The following CLMN variants were observed in gnomAD, a reference collection of about 807,000 sequenced individuals.
CLMN encodes the protein calmin.
CLMN carries 57 observed loss-of-function variants against 92.7 expected under a neutral mutation model. That is an observed-to-expected ratio of 0.61 (90% CI 0.50 to 0.77). The LOEUF is 0.77. Ranked by LOEUF, CLMN falls within the 30% of genes least tolerant of loss-of-function variation. CLMN has a pLI of 0.00. For synonymous variants in CLMN, 466 were observed against 470.6 expected (o/e 0.99, Z 0.13); for missense variants, 1,158 against 1,237.5 (o/e 0.94, Z 0.96).
intron 1 of CLMN, among the ~76,000 whole-genome samples, chr14:95,252,026 T>C (rs970127914): frequency 3.9e-5 from 6 of 152,198 alleles, no homozygotes; most frequent in African/African-American, 1.4e-4. Context: ...GACCACTTTA[T>C]GGCTCTGCGC....
intron 1 of CLMN, among the ~76,000 whole-genome samples, chr14:95,231,134 G>A (rs911077851): frequency 3.3e-5 from 5 of 152,006 alleles, no homozygotes; most frequent in Non-Finnish European, 7.4e-5. Context: ...GGTGAGAAGC[G>A]AGCATCACGG....
chr14:95,245,421 T>C (rs980787680), intron 1 of CLMN, among the ~76,000 whole-genome samples: 1 of 149,300 alleles, frequency 6.7e-6, no homozygotes, highest in Non-Finnish European at 1.5e-5. Context: ...AATCTTTGTA[T>C]CTTGCCCCCT....
At position 95,196,598 on chromosome 14, in the gene CLMN, G is replaced by GTTTCCTTT; in HGVS notation, c.2600_2607dup (p.His870LysfsTer8). ...AGTGAACTTTCTACGTGGTCCACAT[G>GTTTCCTTT]TTTCCTTTTTTCCTTTTTTTTACTA... On this transcript the variant is annotated frameshift_variant, in exon 10 of 13. Coordinates refer to ENST00000298912, the MANE Select transcript of CLMN (RefSeq NM_024734.4). LOFTEE classifies it high-confidence loss of function. The GTTTCCTTT allele has an allele frequency of 1.2e-6, 2 of 1,614,140 alleles. No homozygotes were observed. Among genetic ancestry groups the GTTTCCTTT allele is most frequent in the Non-Finnish European group, 1.7e-6 (2 of 1,180,002 alleles).
At chr14:95,291,275 G>A (rs1300334635) in intron 1 of CLMN, among the ~76,000 whole-genome samples, 1 of 152,200 alleles carries the variant, frequency 6.6e-6, no homozygotes, top group Non-Finnish European at 1.5e-5. Context: ...ACCTGTTGCA[G>A]GCGCCTGTGA....
chr14:95,234,539 C>T (rs775793522), intron 1 of CLMN, among the ~76,000 whole-genome samples: 44 of 152,198 alleles, frequency 2.9e-4, no homozygotes, highest in Non-Finnish European at 5.0e-4. Context: ...GTTTGTGGGG[C>T]CCGGTGTGGG....
chr14:95,277,184 T>C (rs1036008614), intron 1 of CLMN, among the ~76,000 whole-genome samples: 1 of 152,228 alleles, frequency 6.6e-6, no homozygotes, highest in Non-Finnish European at 1.5e-5. Flanking sequence ...AGGCTAGTCT[T>C]AGGCTGTAGC....
chr14:95,196,813 T>G, intron 9 of CLMN, 119 bp from the exon 10 acceptor site: 1 of 894,074 alleles, frequency 1.1e-6, no homozygotes, highest in Non-Finnish European at 1.7e-6. Flanking sequence ...ATTCTGCCTG[T>G]TCCCTGATCC....
chr14:95,253,370 G>A (rs76894183), intron 1 of CLMN, among the ~76,000 whole-genome samples: 12,766 of 152,260 alleles, frequency 0.084, 543 homozygotes, highest in South Asian at 0.094. Context: ...TCCATGGCCT[G>A]AGTACTGTGC....
At chr14:95,260,992 C>G (rs1398197259) in intron 1 of CLMN, among the ~76,000 whole-genome samples, 2 of 152,020 alleles carry the variant, frequency 1.3e-5, no homozygotes, top group Non-Finnish European at 2.9e-5. Context: ...GTGTTTCTGT[C>G]TAAGGAGACT....
intron 6 of CLMN, among the ~76,000 whole-genome samples, chr14:95,211,859 T>C (rs1256364979): frequency 6.6e-6 from 1 of 152,118 alleles, no homozygotes; most frequent in Non-Finnish European, 1.5e-5. Flanking sequence ...TAGACTGCAT[T>C]TGAATTTCAC....
intron 1 of CLMN, among the ~76,000 whole-genome samples, chr14:95,232,083 C>T (rs927221731): frequency 2.0e-5 from 3 of 152,222 alleles, no homozygotes; most frequent in African/African-American, 7.2e-5. Flanking sequence ...AGGTGGAACT[C>T]CATTCTGTGC....
intron 1 of CLMN, among the ~76,000 whole-genome samples, chr14:95,315,490 G>C (rs74788987): frequency 0.047 from 7,128 of 152,288 alleles, 788 homozygotes; most frequent in East Asian, 0.45. Flanking sequence ...CGGAGTCCAA[G>C]TTCGCATGAG....
rs1262456008 is a variant in CLMN at position 95,191,656 on chromosome 14, G to A, written c.2917C>T (p.Gln973Ter). The change falls in exon 13 of 13, where the codon CAG becomes TAG. Residue 973 changes from glutamine to a stop codon, truncating the protein, a stop_gained. Transcript: ENST00000298912. LOFTEE classifies it high-confidence loss of function. The surrounding 1 kb of genome is among the most constrained non-coding windows in gnomAD (Gnocchi z 5.3). ...ATAAAATACATCATATCCGGCTGCT[G>A]GACAAGCTGTGTCAGGGAGTCACTC... ...PQSDSLTQLV[Q>*]QPDMMYFILF... 3 of 1,613,756 alleles carry A rather than the reference G, an allele frequency of 1.9e-6. No homozygotes were observed. The highest frequency in any genetic ancestry group is 2.2e-5 in the East Asian group (1 of 44,880).
chr14:95,282,168 G>A (rs1900166792), intron 1 of CLMN, among the ~76,000 whole-genome samples: 2 of 152,340 alleles, frequency 1.3e-5, no homozygotes, highest in South Asian at 2.1e-4. Flanking sequence ...TGTACAAAAA[G>A]AATGAGCAGT....
At chr14:95,255,080 C>A (rs10149226) in intron 1 of CLMN, among the ~76,000 whole-genome samples, 22,857 of 152,096 alleles carry the variant, frequency 0.15, 2,930 homozygotes, top group African/African-American at 0.34. Context: ...TTGAACACTC[C>A]AGGAAACACC....
At chr14:95,211,017 C>T in intron 6 of CLMN, 138 bp from the exon 7 acceptor site, 1 of 772,366 alleles carries the variant, frequency 1.3e-6, no homozygotes, top group Non-Finnish European at 2.0e-6. Context: ...CGCCTTCATC[C>T]CTGAGCATGG....
At chr14:95,228,172 AAAAG>A (rs911593578) in intron 2 of CLMN, among the ~76,000 whole-genome samples, 23 of 152,300 alleles carry the variant, frequency 1.5e-4, no homozygotes, top group African/African-American at 4.3e-4. Flanking sequence ...AATTTTTTAA[AAAAG>A]AAAGAAAGAA....
In CLMN at chr14:95,197,405, AAAAG is replaced by A. The variant is rs200591725; in HGVS notation, c.2512-715_2512-712del. On this transcript the variant is annotated intron_variant, in intron 9 of 12. Transcript: ENST00000298912. ...GATAGAGAGAGAAAGAAAAAAGAAA[AAAAG>A]AAAGAAAGAAAGAAAGAGGAGGAAG... Among the ~76,000 whole-genome samples the A allele has an allele frequency of 5.1e-3, 771 of 151,922 alleles. 4 individuals are homozygous for A. The highest frequency in any genetic ancestry group is 0.012 in the African/African-American group (491 of 41,250).
At chr14:95,234,331 G>A (rs1428397111) in intron 1 of CLMN, among the ~76,000 whole-genome samples, 3 of 152,192 alleles carry the variant, frequency 2.0e-5, no homozygotes, top group African/African-American at 4.8e-5. Context: ...GTCTCGACAC[G>A]AAGGTCTGCG....
Sources: allele counts gnomAD v4.1 joint callset (sites outside exome capture counted in the v4.1 genomes callset), GRCh38; gene constraint gnomAD v4.1.1; non-coding constraint Gnocchi (gnomAD v3.1); transcripts MANE v1.5; gene names NCBI Gene and HGNC (gene_info 2026-07-23, HGNC 2026-07-21).